The following IPO4 variants were observed in gnomAD, a reference collection of about 807,000 sequenced individuals.
IPO4 encodes importin 4, also known as importin-4.
A neutral mutation model predicts 133.5 loss-of-function variants in IPO4; 91 were observed. The observed-to-expected ratio is 0.68, with a 90% confidence interval of 0.58 to 0.81. The LOEUF is 0.81. Among genes scored for constraint, IPO4 ranks in the 30% least tolerant of loss-of-function variants. IPO4 has a pLI of 0.00. For missense variants in IPO4, 1,279 were observed against 1,386.2 expected, an observed-to-expected ratio of 0.92 and a Z score of 1.23; for synonymous variants, 607 against 581.6, an observed-to-expected ratio of 1.04 and a Z score of -0.63.
rs753131171 is a variant in IPO4 at position 24,183,447 on chromosome 14, C to T, written c.2121+9G>A. On this transcript the variant is annotated intron_variant, in intron 21 of 29. Transcript: ENST00000354464. ...GAACCCCACCCACTCCACCCGCCGG[C>T]CCGCTCACCTCCAGCAGTTTAAATA... 6.2e-7 allele frequency: 1 copy of T among 1,609,408 alleles called. No individual in the cohort carries two copies. The highest frequency in any genetic ancestry group is 1.7e-5 in the Admixed American group (1 of 59,394).
chr14:24,183,144 G>A lies in IPO4; in HGVS notation c.2253C>T (p.Val751=), dbSNP rs377303706. The A allele has an allele frequency of 1.1e-4, 183 of 1,613,366 alleles. No individual in the cohort carries two copies. In the African/African-American group the frequency reaches 1.9e-3, roughly 17 times the overall value. Reference sequence around the variant, plus strand: ...TCACTGCCTGCATGTAGGATGGCACGACTCGGGCCAGGGCAGCCTGCAAAG... The same window carrying A: ...TCACTGCCTGCATGTAGGATGGCACAACTCGGGCCAGGGCAGCCTGCAAAG... The part of the protein sequence containing the change: ...TAALQAALAR[V]VPSYMQAVNR... Residue 751 remains valine, a synonymous_variant, in exon 23 of 30, where the codon GTC becomes GTT. Coordinates refer to ENST00000354464, the MANE Select transcript of IPO4 (RefSeq NM_024658.4).
At chr14:24,185,023 T>C (rs2039199105) in intron 14 of IPO4, 43 bp from the exon 15 acceptor site, 1 of 1,596,864 alleles carries the variant, frequency 6.3e-7, no homozygotes, top group Non-Finnish European at 8.6e-7. Flanking sequence ...CCAGGTCTGC[T>C]ACCTGCACGC....
intron 6 of IPO4, 57 bp downstream of exon 6, chr14:24,187,343 T>A (rs1594443807): frequency 6.3e-7 from 1 of 1,582,200 alleles, no homozygotes. Flanking sequence ...CTTTTACGGG[T>A]GAGGACATGA....
chr14:24,187,281 C>A, intron 6 of IPO4, 119 bp downstream of exon 6: 2 of 1,468,856 alleles, frequency 1.4e-6, no homozygotes, highest in South Asian at 1.2e-5. Flanking sequence ...CATCCCCTCT[C>A]AATTGTCAGG....
intron 4 of IPO4, 182 bp from the exon 5 acceptor site, chr14:24,187,978 C>T: frequency 1.3e-6 from 1 of 792,590 alleles, no homozygotes; most frequent in South Asian, 1.7e-5. Flanking sequence ...GGCATGTAAT[C>T]TGGTAAGTTC....
In IPO4 at chr14:24,182,802, T is replaced by C; in HGVS notation, c.2462A>G (p.Asp821Gly). ...QDTDEEEEEE[D>G]DDQAEYDAML... is the part of the protein sequence containing the mutation. ...ATCCCTGGCTCTCACCTGATCATCA[T>C]CTTCCTCTTCCTCCTCCTCGTCAGT... The change falls in exon 24 of 30, where the codon GAT becomes GGT. Residue 821 changes from aspartate to glycine, a missense_variant. Transcript: ENST00000354464. 1 of 1,614,170 alleles carries C rather than the reference T, an allele frequency of 6.2e-7. No homozygotes were observed. The highest frequency in any genetic ancestry group is 8.5e-7 in the Non-Finnish European group (1 of 1,180,008).
intron 14 of IPO4, 34 bp from the exon 15 acceptor site, chr14:24,185,014 C>G: frequency 1.2e-5 from 20 of 1,604,958 alleles, no homozygotes; most frequent in Non-Finnish European, 1.7e-5. Flanking sequence ...CCAACCAACC[C>G]AGGTCTGCTA....
At position 24,188,799 on chromosome 14, in the gene IPO4, A is replaced by G; in HGVS notation, c.-12T>C. 1 of 1,487,856 alleles carries G rather than the reference A, an allele frequency of 6.7e-7. No individual in the cohort carries two copies. The highest frequency in any genetic ancestry group is 1.4e-5 in the South Asian group (1 of 72,680). The allele number at this position is 1,487,856 out of a possible 1,614,324, so 92.2% of individuals were successfully genotyped here. ...CCGGCTGACTCCATGGCAGCAACTG[A>G]GCCGCCGCTACTGGGCCGAAAAGGG... On this transcript the variant is annotated 5_prime_UTR_variant, in exon 1 of 30. Transcript: ENST00000354464.
At chr14:24,182,576 CTCCTACCT>C (rs2039158024) in intron 24 of IPO4, 173 bp from the exon 25 acceptor site, 15 of 1,013,718 alleles carry the variant, frequency 1.5e-5, no homozygotes, top group Non-Finnish European at 2.1e-5. Context: ...GGCTCTTCTG[CTCCTACCT>C]ATCACTCCAA....
chr14:24,182,497 G>C, intron 24 of IPO4, 94 bp from the exon 25 acceptor site: 2 of 1,515,074 alleles, frequency 1.3e-6, no homozygotes, highest in Non-Finnish European at 1.8e-6. Context: ...GGGGTCCCTG[G>C]GGCTGCCCTT....
chr14:24,187,369 G>C (rs368451958), intron 6 of IPO4, 31 bp downstream of exon 6: 3 of 1,609,230 alleles, frequency 1.9e-6, no homozygotes, highest in East Asian at 2.2e-5. Context: ...TGAGGAAAGG[G>C]AGTCAAAGAT....
chr14:24,182,184 G>A, intron 25 of IPO4, 21 bp from the exon 26 acceptor site: 2 of 1,614,080 alleles, frequency 1.2e-6, no homozygotes, highest in Admixed American at 1.7e-5. Context: ...AGAACAGGAA[G>A]GAGTACAGAT....
In IPO4 at chr14:24,185,956, T is replaced by A. The variant is rs2039215580; in HGVS notation, c.1074A>T (p.Glu358Asp). ...ATGGGCTCTCGCTCCGCAAAGCCTC[T>A]TCCAACATGGGCATCTAGGGAAGCA... is the stretch of plus-strand genomic sequence containing the variant. The part of the protein sequence containing the change: ...KLCPQLMPML[E>D]EALRSESPYQ... Residue 358 changes from glutamate to aspartate, a missense_variant, in exon 12 of 30, where the codon GAA becomes GAT. Glu to Asp is a conservative substitution (Grantham distance 45). This residue lies in a region of IPO4 where 695 missense variants were observed against 704.1 expected (regional missense o/e 0.99). Transcript: ENST00000354464. The A allele has an allele frequency of 1.2e-6, 2 of 1,614,066 alleles. No homozygotes were observed. The highest frequency in any genetic ancestry group is 4.5e-5 in the East Asian group (2 of 44,886).
chr14:24,184,413 G>A lies in IPO4; in HGVS notation c.1642C>T (p.Leu548=), dbSNP rs776459985. 10 of 1,609,552 alleles carry A rather than the reference G, an allele frequency of 6.2e-6. No homozygotes were observed. The Admixed American group carries it at 8.4e-5, about 14-fold the overall frequency. ...CCCACTGCTCGTGCCAGCACCCCCA[G>A]TGTCTCTGTGGGGGCAAGGGCTCCA... ...QPVQIQSLET[L]GVLARAVGEP... is the part of the protein sequence containing the mutation. The change falls in exon 17 of 30, where the codon CTG becomes TTG. Residue 548 remains leucine (L), a synonymous_variant. Coordinates refer to ENST00000354464, the MANE Select transcript of IPO4 (RefSeq NM_024658.4).
chr14:24,183,728 G>C, intron 19 of IPO4, 55 bp downstream of exon 19: 2 of 1,614,168 alleles, frequency 1.2e-6, no homozygotes, highest in Non-Finnish European at 1.7e-6. Flanking sequence ...CCAGCACTAG[G>C]CCCTTGTCTA....
In IPO4 at chr14:24,180,519, C is replaced by A. The variant is rs376690871; in HGVS notation, c.3169G>T (p.Asp1057Tyr). The change falls in exon 30 of 30, where the codon GAC becomes TAC. Residue 1057 changes from aspartate (D) to tyrosine (Y), a missense_variant. By Grantham distance (160) the Asp-to-Tyr change is radical. Transcript: ENST00000354464. ...GAGCCCAGAGCTGCTTGAAAGCTGTCGGTGTGCTGTTTGGCCAGGAACGTC... is the reference window on the plus strand; with the variant it reads ...GAGCCCAGAGCTGCTTGAAAGCTGTAGGTGTGCTGTTTGGCCAGGAACGTC... ...LLTFLAKQHTDSFQAALGSLP... is the reference protein window; with the variant it reads ...LLTFLAKQHTYSFQAALGSLP... 4.3e-6 allele frequency: 7 copies of A among 1,613,892 alleles called. No homozygotes were observed. The highest frequency in any genetic ancestry group is 1.1e-5 in the South Asian group (1 of 91,004).
Position 24,182,969 on chromosome 14 carries a change from T to C in IPO4, c.2421+7A>G, listed in dbSNP as rs768304356. On this transcript the variant is annotated splice_region_variant and intron_variant, in intron 23 of 29. Transcript: ENST00000354464. The stretch of plus-strand genomic sequence containing the variant: ...TCTCCTTCCCGAAGCCCACCTGCCC[T>C]GCTCACCTTCCTCTGCAGCACAGCC... 2 of 1,613,108 alleles carry C rather than the reference T, an allele frequency of 1.2e-6. No individual in the cohort carries two copies. Among genetic ancestry groups the C allele is most frequent in the South Asian group, 1.1e-5 (1 of 91,078 alleles).
In IPO4 at chr14:24,186,317, C is replaced by G. The variant is rs1318298270; in HGVS notation, c.975G>C (p.Met325Ile). The G allele has an allele frequency of 1.2e-6, 2 of 1,610,788 alleles. No homozygotes were observed. Among genetic ancestry groups the G allele is most frequent in the African/African-American group, 1.3e-5 (1 of 75,006 alleles). Residue 325 changes from methionine (M) to isoleucine (I), a missense_variant, in exon 10 of 30, where the codon ATG (methionine) becomes ATC (isoleucine). Coordinates refer to ENST00000354464, the MANE Select transcript of IPO4 (RefSeq NM_024658.4). Reference sequence around the variant, plus strand: ...CAGCGAAATGCTTGGGAGTCTCCCCCATCAGCTCAATCTCCAACTCTTCCT... The same window carrying G: ...CAGCGAAATGCTTGGGAGTCTCCCCGATCAGCTCAATCTCCAACTCTTCCT... ...SEEEELEIEL[M>I]GETPKHFAVQ...
Position 24,180,232 on chromosome 14 carries a change from G to A in IPO4, c.*210C>T. 1 of 1,582,882 alleles carries A rather than the reference G, an allele frequency of 6.3e-7. No homozygotes were observed. Among genetic ancestry groups the A allele is most frequent in the South Asian group, 1.1e-5 (1 of 88,198 alleles). ...TGCTCTCAGAGCTATTGTTCAAGCA[G>A]AAAACAAGCTGCTTTTATTACAGTA... is the stretch of plus-strand genomic sequence containing the variant. On this transcript the variant is annotated 3_prime_UTR_variant, in exon 30 of 30. Transcript: ENST00000354464.
Sources: gnomAD v4.1 joint callset for allele counts on GRCh38, gnomAD v4.1.1 for gene constraint, gnomAD v4.1.1 regional missense constraint, MANE v1.5 for transcripts, NCBI Gene and HGNC (gene_info 2026-07-23, HGNC 2026-07-21) for gene names.